GPATCH8: variants seen among roughly 807,000 people sequenced by gnomAD.
GPATCH8 encodes the protein G-patch domain containing 8.
In GPATCH8, 18 loss-of-function variants were observed where a neutral mutation model predicts 118.3. That is an observed-to-expected ratio of 0.15 (90% CI 0.11 to 0.23). The LOEUF is 0.23. Among genes scored for constraint, GPATCH8 ranks in the 10% least tolerant of loss-of-function variants. The pLI, the probability that GPATCH8 is intolerant of heterozygous loss-of-function variation, is 1.00. For synonymous variants in GPATCH8, 659 were observed against 684.7 expected, an observed-to-expected ratio of 0.96 and a Z score of 0.59; for missense variants, 1,631 against 1,873.8, an observed-to-expected ratio of 0.87 and a Z score of 2.39.
At position 44,483,337 on chromosome 17, in the gene GPATCH8, G is replaced by A. The variant is rs145230830; in HGVS notation, c.46-8434C>T. Among the ~76,000 whole-genome samples the A allele has an allele frequency of 9.8e-3, 1,390 of 141,974 alleles. 19 individuals carry two copies. Among genetic ancestry groups the A allele is most frequent in the African/African-American group, 0.034 (1,318 of 38,396 alleles). The allele number at this position is 141,974 out of a possible 152,430, so 93.1% of individuals were successfully genotyped here. A position where few individuals can be genotyped will look rare whatever the true frequency, so the allele number is the denominator to read the frequency against. ...ACCATCTCGGCTCACTGCAACCTCCGCCTCCCGGGTTCAAGACATTCTCCT... is the reference window on the plus strand; with the variant it reads ...ACCATCTCGGCTCACTGCAACCTCCACCTCCCGGGTTCAAGACATTCTCCT... On this transcript the variant is annotated intron_variant, in intron 1 of 7. Transcript: ENST00000591680.
At chr17:44,439,409 T>A (rs1436815691) in intron 3 of GPATCH8, among the ~76,000 whole-genome samples, 5 of 151,966 alleles carry the variant, frequency 3.3e-5, no homozygotes, top group African/African-American at 1.2e-4. Context: ...GAAACCGACA[T>A]CACAAGAGCT....
intron 1 of GPATCH8, among the ~76,000 whole-genome samples, chr17:44,484,911 C>T (rs916802115): frequency 6.6e-6 from 1 of 152,164 alleles, no homozygotes; most frequent in Non-Finnish European, 1.5e-5. Flanking sequence ...CTCCCAGGCT[C>T]AAGTGATCCT....
At chr17:44,494,269 T>C (rs1598640849) in intron 1 of GPATCH8, among the ~76,000 whole-genome samples, 1 of 152,154 alleles carries the variant, frequency 6.6e-6, no homozygotes, top group Non-Finnish European at 1.5e-5. Flanking sequence ...CTCCCAGAAG[T>C]CCTCATTCAT....
intron 1 of GPATCH8, among the ~76,000 whole-genome samples, chr17:44,477,052 T>C (rs1452056159): frequency 2.0e-5 from 3 of 152,178 alleles, no homozygotes; most frequent in African/African-American, 7.2e-5. Flanking sequence ...CCTAAACGAA[T>C]TCAGTGTGTG....
At chr17:44,438,395 A>G (rs560710485) in intron 3 of GPATCH8, among the ~76,000 whole-genome samples, 5 of 152,240 alleles carry the variant, frequency 3.3e-5, no homozygotes, top group Non-Finnish European at 7.4e-5. Context: ...TGCAGTAGCA[A>G]GTGCTAGTGC....
chr17:44,424,458 G>T lies in GPATCH8; in HGVS notation c.383C>A (p.Ala128Asp). Residue 128 changes from alanine to aspartate, a missense_variant, in exon 6 of 8, where the codon GCC becomes GAC. By Grantham distance (126) the Ala-to-Asp change is moderately radical. This residue lies in a region of GPATCH8 where 81 missense variants were observed against 227.6 expected (regional missense o/e 0.36). Coordinates refer to ENST00000591680, the MANE Select transcript of GPATCH8 (RefSeq NM_001002909.4). ...AAAGTTGGCTCTGAGGTCTTCCAAG[G>T]CTTTGGCAATTGCCTTCTCTTTGTC... ...YVDKEKAIAK[A>D]LEDLRANFYC... is the part of the protein sequence containing the mutation. The T allele has an allele frequency of 1.2e-6, 2 of 1,606,860 alleles. No individual in the cohort carries two copies. The highest frequency in any genetic ancestry group is 8.5e-7 in the Non-Finnish European group (1 of 1,173,494).
chr17:44,437,147 T>TA (rs2050539616), intron 3 of GPATCH8, among the ~76,000 whole-genome samples: 1 of 152,180 alleles, frequency 6.6e-6, no homozygotes, highest in Non-Finnish European at 1.5e-5. Flanking sequence ...AAGAAACAAT[T>TA]AGTTGCCCTT....
chr17:44,442,589 T>C (rs574770759), intron 3 of GPATCH8, among the ~76,000 whole-genome samples: 2 of 152,290 alleles, frequency 1.3e-5, no homozygotes, highest in South Asian at 4.1e-4. Flanking sequence ...CTAGGCCTCC[T>C]GAGTAGCTGA....
chr17:44,436,664 G>C (rs2050524815), intron 3 of GPATCH8, 119 bp from the exon 4 acceptor site: 1 of 736,128 alleles, frequency 1.4e-6, no homozygotes, highest in Non-Finnish European at 2.5e-6. Context: ...GAAAGCTACA[G>C]TGAACCAAAC....
intron 3 of GPATCH8, among the ~76,000 whole-genome samples, chr17:44,449,792 C>T (rs1489051374): frequency 1.3e-5 from 2 of 152,170 alleles, no homozygotes; most frequent in African/African-American, 4.8e-5. Context: ...GGATTACAGG[C>T]GTGAGCCACT....
chr17:44,428,424 T>G (rs1387030062), intron 5 of GPATCH8, among the ~76,000 whole-genome samples: 1 of 151,102 alleles, frequency 6.6e-6, no homozygotes, highest in Non-Finnish European at 1.5e-5. Context: ...ATCTGGGTGG[T>G]GGAGGTTGCA....
At chr17:44,455,276 C>A (rs2051285130) in intron 3 of GPATCH8, among the ~76,000 whole-genome samples, 1 of 151,990 alleles carries the variant, frequency 6.6e-6, no homozygotes, top group South Asian at 2.1e-4. Flanking sequence ...CCGAGGTGGG[C>A]AGATCACCTG....
At chr17:44,442,742 G>A (rs1465659875) in intron 3 of GPATCH8, among the ~76,000 whole-genome samples, 1 of 152,186 alleles carries the variant, frequency 6.6e-6, no homozygotes, top group East Asian at 1.9e-4. Context: ...GGGATTACAG[G>A]TGTAAGCCAA....
Position 44,435,123 on chromosome 17 carries a change from C to T in GPATCH8, c.290G>A (p.Arg97Gln). The change falls in exon 5 of 8, where the codon CGG (arginine) becomes CAG (glutamine). Residue 97 changes from arginine to glutamine, a missense_variant. By Grantham distance (43) the Arg-to-Gln change is conservative. Transcript: ENST00000591680. ...ELDYAEDATE[R>Q]RRVLEVEKED... The stretch of plus-strand genomic sequence containing the variant: ...TTTTTCTACTTCTAGGACACGGCGC[C>T]GTTCGGTAGCATCTTCAGCATAATC... 6.6e-7 allele frequency: 1 copy of T among 1,512,056 alleles called. No homozygotes were observed. The highest frequency in any genetic ancestry group is 9.2e-7 in the Non-Finnish European group (1 of 1,086,996). The allele number at this position is 1,512,056 out of a possible 1,614,324, so 93.7% of individuals were successfully genotyped here. A position where few individuals can be genotyped will look rare whatever the true frequency, so the allele number is the denominator to read the frequency against.
At position 44,406,048 on chromosome 17, in the gene GPATCH8, AT is replaced by A; in HGVS notation, c.495del (p.Arg165SerfsTer2). 1.2e-6 allele frequency: 2 copies of A among 1,601,952 alleles called. No homozygotes were observed. The highest frequency in any genetic ancestry group is 8.6e-7 in the Non-Finnish European group (1 of 1,169,158). Reference sequence around the variant, plus strand: ...AACTCTCTCTGCTTCAGATCTTTTAATCTCTGGGTTAAAAGAAAGAAAGATA... The same window carrying A: ...AACTCTCTCTGCTTCAGATCTTTTAACTCTGGGTTAAAAGAAAGAAAGATA... Reference protein sequence around the residue: ...INSYDHAHKQRLKDLKQREFA... With the variant: ...INSYDHAHKQXLKDLKQREFA... On this transcript the variant is annotated frameshift_variant and splice_region_variant, in exon 7 of 8. Transcript: ENST00000591680. LOFTEE classifies it high-confidence loss of function.
Position 44,500,915 on chromosome 17 carries a change from AT to A in GPATCH8, c.45+2410del, listed in dbSNP as rs1970010814. The stretch of plus-strand genomic sequence containing the variant: ...ATTACATTACATTCTCTCACCAATA[AT>A]TTTGAATCAAAATACATCATTAAAT... On this transcript the variant is annotated intron_variant, in intron 1 of 7. Coordinates refer to ENST00000591680, the MANE Select transcript of GPATCH8 (RefSeq NM_001002909.4). 3.3e-5 allele frequency among the ~76,000 whole-genome samples: 5 copies of A among 152,356 alleles called. No individual in the cohort carries two copies. In the East Asian group the frequency reaches 5.8e-4, roughly 18 times the overall value.
At chr17:44,485,774 A>T (rs1968729256) in intron 1 of GPATCH8, among the ~76,000 whole-genome samples, 1 of 152,174 alleles carries the variant, frequency 6.6e-6, no homozygotes, top group Non-Finnish European at 1.5e-5. Context: ...TCGTTATGGT[A>T]CTTGTACTGT....
At chr17:44,444,760 G>A (rs960560993) in intron 3 of GPATCH8, among the ~76,000 whole-genome samples, 9 of 151,966 alleles carry the variant, frequency 5.9e-5, no homozygotes, top group African/African-American at 1.9e-4. Flanking sequence ...GGCAACAAGA[G>A]AGAATCTCCA....
Position 44,398,263 on chromosome 17 carries a change from T to C in GPATCH8, c.3814A>G (p.Ile1272Val), listed in dbSNP as rs1222861273. 61 of 1,613,488 alleles carry C rather than the reference T, an allele frequency of 3.8e-5. No homozygotes were observed. The highest frequency in any genetic ancestry group is 4.9e-5 in the Non-Finnish European group (58 of 1,179,650). Residue 1272 changes from isoleucine (I) to valine (V), a missense_variant, in exon 8 of 8, where the codon ATA becomes GTA. By Grantham distance (29) the Ile-to-Val change is conservative. Around this residue, in one of 8 missense-constraint regions of GPATCH8, gnomAD observed 922 missense variants for 879.7 expected, o/e 1.05. Coordinates refer to ENST00000591680, the MANE Select transcript of GPATCH8 (RefSeq NM_001002909.4). ...GGGAAATGCTCAAGGTCTGGTGCTA[T>C]AGGCAGCAAGCTGGACTCCACAGGG... ...PGPVESSLLP[I>V]APDLEHFPSY... is the part of the protein sequence containing the mutation.
Sources: allele counts gnomAD v4.1 joint callset (sites outside exome capture counted in the v4.1 genomes callset), GRCh38; gene constraint gnomAD v4.1.1; regional missense constraint gnomAD v4.1.1; transcripts MANE v1.5; gene names NCBI Gene and HGNC (gene_info 2026-07-23, HGNC 2026-07-21).